Variants in COBLL1 observed in about 807,000 individuals in gnomAD.
COBLL1 encodes cordon-bleu protein-like 1.
COBLL1 carries 50 observed loss-of-function variants against 94.8 expected under a neutral mutation model. The observed-to-expected ratio is 0.53, with a 90% CI of 0.42 to 0.67. The LOEUF (loss-of-function observed/expected upper bound fraction) is 0.67, where lower values mean the gene tolerates loss of function less well. Among genes scored for constraint, COBLL1 ranks in the 30% least tolerant of loss-of-function variants. The pLI is 0.00. For synonymous variants in COBLL1, 448 were observed against 473.8 expected, an observed-to-expected ratio of 0.95 and a Z score of 0.71; for missense variants, 1,362 against 1,348.7, an observed-to-expected ratio of 1.01 and a Z score of -0.15.
At chr2:164,757,023 C>T (rs1687444975) in intron 2 of COBLL1, among the ~76,000 whole-genome samples, 1 of 152,086 alleles carries the variant, frequency 6.6e-6, no homozygotes, top group African/African-American at 2.4e-5. Context: ...GCACAATGGA[C>T]CCACCTACAT....
rs192471982 is a variant in COBLL1 at position 164,775,506 on chromosome 2, A to G, written c.42-31631T>C. On this transcript the variant is annotated intron_variant, in intron 2 of 13. Transcript: ENST00000652658. Reference sequence around the variant, plus strand: ...AAAATGGAGTCTCACTCTGTCACCCAGGCTGGAGTGCAGTGGTGTGACTTT... The same window carrying G: ...AAAATGGAGTCTCACTCTGTCACCCGGGCTGGAGTGCAGTGGTGTGACTTT... Among the ~76,000 whole-genome samples, 4 of 152,280 alleles carry G rather than the reference A, an allele frequency of 2.6e-5. No homozygotes were observed. The East Asian group carries it at 7.7e-4, about 29-fold the overall frequency.
chr2:164,690,721 T>C (rs920997875), intron 13 of COBLL1, among the ~76,000 whole-genome samples: 4 of 152,290 alleles, frequency 2.6e-5, no homozygotes, highest in African/African-American at 9.6e-5. Flanking sequence ...AGGCTGTGAA[T>C]GCACAGAAGA....
intron 12 of COBLL1, among the ~76,000 whole-genome samples, chr2:164,693,558 A>T (rs1165927335): frequency 6.6e-6 from 1 of 152,108 alleles, no homozygotes; most frequent in Non-Finnish European, 1.5e-5. Flanking sequence ...TGACTCTATT[A>T]TCTGAAGCTA....
At chr2:164,678,926 G>A (rs1331871312), downstream of COBLL1, among the ~76,000 whole-genome samples, 1 of 152,052 alleles carries the variant, frequency 6.6e-6, no homozygotes, top group African/African-American at 2.4e-5. Context: ...TCAAATAAAG[G>A]AACAAACTTG....
intron 2 of COBLL1, among the ~76,000 whole-genome samples, chr2:164,811,505 G>A (rs1177220789): frequency 6.6e-6 from 1 of 151,938 alleles, no homozygotes; most frequent in African/African-American, 2.4e-5. Flanking sequence ...GGAATACCAT[G>A]TAACTAAAGA....
chr2:164,706,937 A>T (rs1684634833), intron 7 of COBLL1, among the ~76,000 whole-genome samples: 1 of 152,140 alleles, frequency 6.6e-6, no homozygotes, highest in African/African-American at 2.4e-5. Flanking sequence ...AAGTCCATTA[A>T]CAACCCGGTG....
chr2:164,801,829 A>G (rs1683824227), intron 2 of COBLL1, among the ~76,000 whole-genome samples: 1 of 152,178 alleles, frequency 6.6e-6, no homozygotes, highest in Non-Finnish European at 1.5e-5. Context: ...ATTTATGTCT[A>G]TTATCTGTGG....
At chr2:164,702,407 C>G (rs1684335213) in intron 9 of COBLL1, among the ~76,000 whole-genome samples, 1 of 150,966 alleles carries the variant, frequency 6.6e-6, no homozygotes. Context: ...ACTAAAAATA[C>G]AAAAAAATTA....
chr2:164,818,229 T>C (rs1419732028), intron 2 of COBLL1, among the ~76,000 whole-genome samples: 2 of 128,916 alleles, frequency 1.6e-5, no homozygotes, highest in South Asian at 2.3e-4. Flanking sequence ...CATATATACA[T>C]ATGCATGTAT....
At chr2:164,724,475 G>T (rs1461291755) in intron 5 of COBLL1, 3 of 152,116 alleles carry the variant, frequency 2.0e-5, no homozygotes, top group Non-Finnish European at 4.4e-5. Flanking sequence ...GTAAAAATCT[G>T]AACACGGGAA....
intron 12 of COBLL1, among the ~76,000 whole-genome samples, chr2:164,693,619 A>G (rs1683735532): frequency 6.6e-6 from 1 of 152,154 alleles, no homozygotes; most frequent in Non-Finnish European, 1.5e-5. Flanking sequence ...ACATTCCTTT[A>G]TGGTAAATAT....
Position 164,745,724 on chromosome 2 carries a change from T to C in COBLL1, c.42-1849A>G, listed in dbSNP as rs554124204. 2.0e-5 allele frequency among the ~76,000 whole-genome samples: 3 copies of C among 152,204 alleles called. No homozygotes were observed. The South Asian group carries it at 6.2e-4, about 32-fold the overall frequency. On this transcript the variant is annotated intron_variant, in intron 2 of 13. Transcript: ENST00000652658. Reference sequence around the variant, plus strand: ...TTACAGATGGGAAACATGAGCTGGGTTTTGGAGAATGAATAGAAACACACA... The same window carrying C: ...TTACAGATGGGAAACATGAGCTGGGCTTTGGAGAATGAATAGAAACACACA...
chr2:164,688,515 C>T (rs997846823), intron 13 of COBLL1, among the ~76,000 whole-genome samples: 3 of 152,046 alleles, frequency 2.0e-5, no homozygotes, highest in African/African-American at 7.2e-5. Context: ...AAAAAAACAG[C>T]ATTTAAGAAT....
chr2:164,686,767 C>A (rs182553886), intron 13 of COBLL1, among the ~76,000 whole-genome samples: 10 of 152,072 alleles, frequency 6.6e-5, no homozygotes, highest in African/African-American at 2.4e-4. Context: ...ATAGTAAATA[C>A]CTATATTTTG....
chr2:164,672,879 G>T (rs912946865), intron 1 of COBLL1, among the ~76,000 whole-genome samples: 1 of 152,080 alleles, frequency 6.6e-6, no homozygotes, highest in Non-Finnish European at 1.5e-5. Context: ...CTTGGATAAG[G>T]TCTCCTAGTA....
chr2:164,742,694 T>C (rs775178010), intron 3 of COBLL1, among the ~76,000 whole-genome samples: 1 of 152,190 alleles, frequency 6.6e-6, no homozygotes, highest in Non-Finnish European at 1.5e-5. Context: ...CTGAACTATT[T>C]TGTTTTCATC....
intron 1 of COBLL1, among the ~76,000 whole-genome samples, chr2:164,672,423 G>T (rs1691255206): frequency 6.6e-6 from 1 of 152,190 alleles, no homozygotes; most frequent in Non-Finnish European, 1.5e-5. Flanking sequence ...TGTAGGCCGG[G>T]CGCGGTGGCT....
At chr2:164,782,175 C>T (rs910765662) in intron 2 of COBLL1, among the ~76,000 whole-genome samples, 13 of 152,132 alleles carry the variant, frequency 8.5e-5, no homozygotes, top group African/African-American at 3.1e-4. Flanking sequence ...TGGCTGGCTT[C>T]ATTCTTGCAG....
At chr2:164,664,959 G>T (rs930706269) in intron 2 of COBLL1, among the ~76,000 whole-genome samples, 12 of 152,080 alleles carry the variant, frequency 7.9e-5, no homozygotes, top group Non-Finnish European at 1.6e-4. Context: ...ACAAAACAGG[G>T]TGAAAGAAAA....
Sources: gnomAD v4.1 joint callset for allele counts (sites outside exome capture counted in the v4.1 genomes callset) on GRCh38, gnomAD v4.1.1 for gene constraint, MANE v1.5 for transcripts, NCBI Gene and HGNC (gene_info 2026-07-23, HGNC 2026-07-21) for gene names.